Variants in ANKFN1 observed in about 807,000 individuals in gnomAD.
ANKFN1 encodes ankyrin repeat and fibronectin type-III domain-containing protein 1.
In ANKFN1, 74 loss-of-function variants were observed where a neutral mutation model predicts 108.7. The observed-to-expected ratio is 0.68, with a 90% CI of 0.56 to 0.83. The LOEUF (loss-of-function observed/expected upper bound fraction) is 0.83, where lower values mean the gene tolerates loss of function less well. Among genes scored for constraint, ANKFN1 ranks in the 40% least tolerant of loss-of-function variants. The pLI is 0.00. For synonymous variants in ANKFN1, 547 were observed against 516.2 expected (o/e 1.06, Z -0.81); for missense variants, 1,505 against 1,382.3 (o/e 1.09, Z -1.41).
chr17:56,125,381 A>T (rs949571166), intron 4 of ANKFN1, among the ~76,000 whole-genome samples: 1 of 152,226 alleles, frequency 6.6e-6, no homozygotes, highest in African/African-American at 2.4e-5. Flanking sequence ...AAAACCAAAG[A>T]GGTGGAAGAA....
chr17:56,138,579 G>A (rs571840385), intron 4 of ANKFN1, among the ~76,000 whole-genome samples: 1 of 148,774 alleles, frequency 6.7e-6, no homozygotes, highest in Non-Finnish European at 1.5e-5. Context: ...GCATGATCTC[G>A]GCTCACTGTA....
chr17:56,348,431 G>A (rs989945665), intron 4 of ANKFN1, among the ~76,000 whole-genome samples: 5 of 151,702 alleles, frequency 3.3e-5, no homozygotes, highest in Admixed American at 3.3e-4. Flanking sequence ...AAACTTAAAA[G>A]GTGCCTCAGC....
chr17:56,134,952 G>A (rs1454237595), intron 4 of ANKFN1, among the ~76,000 whole-genome samples: 2 of 152,138 alleles, frequency 1.3e-5, no homozygotes, highest in East Asian at 1.9e-4. Flanking sequence ...TCAGAGTTGA[G>A]TAGGGGCACT....
At position 56,436,330 on chromosome 17, in the gene ANKFN1, A is replaced by T. The variant is rs557143082; in HGVS notation, c.911-3997A>T. On this transcript the variant is annotated intron_variant, in intron 8 of 20. Transcript: ENST00000682825. Reference sequence around the variant, plus strand: ...TTCTTGCTAATTTTCAACTGCTATGAGCCATTGCGCAATTAAGCCCTGCTT... The same window carrying T: ...TTCTTGCTAATTTTCAACTGCTATGTGCCATTGCGCAATTAAGCCCTGCTT... Among the ~76,000 whole-genome samples the T allele has an allele frequency of 5.1e-4, 78 of 152,296 alleles. No homozygotes were observed. The South Asian group carries it at 0.015, about 30-fold the overall frequency.
chr17:56,131,863 C>A (rs973146491), intron 4 of ANKFN1, among the ~76,000 whole-genome samples: 1 of 152,108 alleles, frequency 6.6e-6, no homozygotes, highest in Non-Finnish European at 1.5e-5. Flanking sequence ...TCTCTAAGAA[C>A]AATTTCTTTT....
intron 4 of ANKFN1, among the ~76,000 whole-genome samples, chr17:56,090,195 G>A (rs1257519016): frequency 6.6e-6 from 1 of 151,224 alleles, no homozygotes; most frequent in Admixed American, 6.6e-5. Context: ...GAAATGGGGC[G>A]CTGTATAGTG....
intron 3 of ANKFN1, among the ~76,000 whole-genome samples, chr17:56,259,127 C>T (rs1282603875): frequency 6.6e-6 from 1 of 151,998 alleles, no homozygotes; most frequent in Non-Finnish European, 1.5e-5. Context: ...TTTGAGGGAA[C>T]AAAGATGCAG....
chr17:56,241,719 A>G (rs1412326569), intron 3 of ANKFN1, among the ~76,000 whole-genome samples: 2 of 152,116 alleles, frequency 1.3e-5, no homozygotes, highest in Non-Finnish European at 2.9e-5. Flanking sequence ...AGGTACAGTA[A>G]GAGATTAATA....
intron 4 of ANKFN1, among the ~76,000 whole-genome samples, chr17:56,134,642 C>T (rs1456533403): frequency 6.6e-6 from 1 of 152,100 alleles, no homozygotes; most frequent in Non-Finnish European, 1.5e-5. Flanking sequence ...CAGCTCTATG[C>T]CAGAAACTGG....
At chr17:56,274,747 G>A (rs1259866393) in intron 3 of ANKFN1, among the ~76,000 whole-genome samples, 1 of 152,142 alleles carries the variant, frequency 6.6e-6, no homozygotes, top group East Asian at 1.9e-4. Flanking sequence ...GCATACAGCT[G>A]TGGTCTCCAC....
At position 56,442,905 on chromosome 17, in the gene ANKFN1, CACG is replaced by C. The variant is rs2049157610; in HGVS notation, c.1074_1076del (p.Thr359del). ...TGAAAGGATGGGGACCTGCTCAGAC[CACG>C]ACACCGGCATGTGCCTCTCCTTCTA... is the stretch of plus-strand genomic sequence containing the variant. On this transcript the variant is annotated inframe_deletion, in exon 10 of 21. Transcript: ENST00000682825. 1 of 1,613,578 alleles carries C rather than the reference CACG, an allele frequency of 6.2e-7. No individual in the cohort carries two copies. Among genetic ancestry groups the C allele is most frequent in the Admixed American group, 1.7e-5 (1 of 59,974 alleles).
chr17:56,167,801 G>A (rs913124568), intron 1 of ANKFN1, among the ~76,000 whole-genome samples: 4 of 152,150 alleles, frequency 2.6e-5, no homozygotes, highest in Non-Finnish European at 4.4e-5. Context: ...CAGTGCTACA[G>A]CAGGGGAAGA....
At chr17:56,155,038 C>G (rs1908971705) in intron 1 of ANKFN1, among the ~76,000 whole-genome samples, 1 of 152,130 alleles carries the variant, frequency 6.6e-6, no homozygotes, top group African/African-American at 2.4e-5. Context: ...CTTCATGCCC[C>G]CCTCAACCCT....
At chr17:56,153,427 G>A (rs1002254038), upstream of ANKFN1, 5 of 1,555,158 alleles carry the variant, frequency 3.2e-6, no homozygotes, top group East Asian at 4.5e-5. Flanking sequence ...CCTTGGCAAC[G>A]GGACCGTGTG....
intron 1 of ANKFN1, among the ~76,000 whole-genome samples, chr17:56,176,522 T>C (rs1292153441): frequency 6.6e-6 from 1 of 152,190 alleles, no homozygotes; most frequent in African/African-American, 2.4e-5. Flanking sequence ...AGAACTCCAT[T>C]TATAGCAAAG....
rs58383098 is a variant in ANKFN1, at chr17:56,389,916, G to A, written c.910+15202G>A. Among the ~76,000 whole-genome samples the A allele has an allele frequency of 3.2e-3, 485 of 152,170 alleles. 5 individuals carry two copies. The highest frequency in any genetic ancestry group is 0.011 in the African/African-American group (454 of 41,508). ...CCAGTTCCCCCACCACAGGACCTTT[G>A]TACACGATGGTCCCTGTGCTGAGTA... is the stretch of plus-strand genomic sequence containing the variant. On this transcript the variant is annotated intron_variant, in intron 8 of 20. Transcript: ENST00000682825.
intron 5 of ANKFN1, among the ~76,000 whole-genome samples, chr17:56,351,621 T>C (rs1232922123): frequency 3.3e-5 from 5 of 152,186 alleles, no homozygotes; most frequent in Admixed American, 2.6e-4. Flanking sequence ...ATCCCATCTG[T>C]TGATAACTAA....
At chr17:56,214,767 A>G (rs75234362) in intron 2 of ANKFN1, among the ~76,000 whole-genome samples, 112 of 152,180 alleles carry the variant, frequency 7.4e-4, no homozygotes, top group African/African-American at 2.6e-3. Context: ...GGAATATTTA[A>G]CCCACTTGTC....
At chr17:56,171,044 C>CTGA (rs1014781234) in intron 1 of ANKFN1, among the ~76,000 whole-genome samples, 5 of 151,602 alleles carry the variant, frequency 3.3e-5, no homozygotes, top group African/African-American at 1.2e-4. Flanking sequence ...GTGGCAGGGG[C>CTGA]TGATCCTCAA....
Sources: allele counts gnomAD v4.1 joint callset (sites outside exome capture counted in the v4.1 genomes callset), GRCh38; gene constraint gnomAD v4.1.1; transcripts MANE v1.5; gene names NCBI Gene and HGNC (gene_info 2026-07-23, HGNC 2026-07-21).